BLVRA: variants seen among roughly 807,000 people sequenced by gnomAD.
BLVRA encodes the protein BVR A.
In BLVRA, 22 loss-of-function variants were observed where a neutral mutation model predicts 32.8. The observed-to-expected ratio is 0.67, with a 90% CI of 0.48 to 0.96. The LOEUF (loss-of-function observed/expected upper bound fraction) is 0.96. BLVRA is among the 40% of genes least tolerant of loss of function. BLVRA has a pLI of 0.00. For missense variants in BLVRA, 323 were observed against 358.1 expected, an observed-to-expected ratio of 0.90 and a Z score of 0.79; for synonymous variants, 119 against 141.3, an observed-to-expected ratio of 0.84 and a Z score of 1.12.
chr7:43,800,995 T>G (rs2095798090), intron 6 of BLVRA, among the ~76,000 whole-genome samples: 1 of 151,930 alleles, frequency 6.6e-6, no homozygotes, highest in African/African-American at 2.4e-5. Flanking sequence ...TAATAAATAT[T>G]TACTTATTCT....
chr7:43,792,999 T>G (rs548566994), intron 5 of BLVRA, among the ~76,000 whole-genome samples, 187 bp downstream of exon 5: 1 of 152,350 alleles, frequency 6.6e-6, no homozygotes, highest in African/African-American at 2.4e-5. Context: ...GGTGGGAATT[T>G]GCAAACTTTT....
intron 1 of BLVRA, among the ~76,000 whole-genome samples, chr7:43,762,669 T>TGG (rs1323092790): frequency 6.8e-6 from 1 of 146,708 alleles, no homozygotes; most frequent in Non-Finnish European, 1.5e-5. Context: ...TGGAGTGCAG[T>TGG]GGGACGGTCT....
chr7:43,800,309 G>A (rs1585742410), intron 5 of BLVRA, 156 bp from the exon 6 acceptor site: 1 of 693,554 alleles, frequency 1.4e-6, no homozygotes, highest in East Asian at 2.7e-5. Flanking sequence ...CTTCAGCTGG[G>A]GTGGGTGACA....
chr7:43,785,243 A>C (rs1034118250), intron 2 of BLVRA, among the ~76,000 whole-genome samples: 1 of 151,966 alleles, frequency 6.6e-6, no homozygotes, highest in Non-Finnish European at 1.5e-5. Context: ...AAAGGGAAAC[A>C]AATATTAATA....
intron 1 of BLVRA, among the ~76,000 whole-genome samples, chr7:43,766,794 T>A (rs1308231465): frequency 6.6e-6 from 1 of 152,152 alleles, no homozygotes; most frequent in Non-Finnish European, 1.5e-5. Flanking sequence ...CACTCACAGC[T>A]CTGTGAGCAA....
At chr7:43,791,645 A>C in intron 4 of BLVRA, 1 of 382,032 alleles carries the variant, frequency 2.6e-6, no homozygotes, top group Non-Finnish European at 5.0e-6. Context: ...CTCTGTAAAA[A>C]CCCATCGAGA....
chr7:43,774,648 T>C (rs1189878732), intron 2 of BLVRA, among the ~76,000 whole-genome samples: 3 of 152,236 alleles, frequency 2.0e-5, no homozygotes. Flanking sequence ...ATATGAACTT[T>C]AAAGTAGTTT....
intron 3 of BLVRA, among the ~76,000 whole-genome samples, chr7:43,789,040 C>CA (rs778186483): frequency 6.6e-6 from 1 of 152,006 alleles, no homozygotes; most frequent in African/African-American, 2.4e-5. Flanking sequence ...CCCCTGTACA[C>CA]ACACACACAC....
intron 1 of BLVRA, among the ~76,000 whole-genome samples, chr7:43,770,923 G>C (rs1585714413): frequency 6.6e-6 from 1 of 152,260 alleles, no homozygotes; most frequent in East Asian, 1.9e-4. Context: ...AGCATTGCTG[G>C]TGTGACATCC....
At chr7:43,788,095 G>A in intron 3 of BLVRA, 70 bp downstream of exon 3, 1 of 1,612,642 alleles carries the variant, frequency 6.2e-7, no homozygotes, top group Non-Finnish European at 8.5e-7. Flanking sequence ...TGCAGGACAT[G>A]GAGATTTTCC....
chr7:43,763,561 T>A (rs566698886), intron 1 of BLVRA, among the ~76,000 whole-genome samples: 2 of 152,292 alleles, frequency 1.3e-5, no homozygotes, highest in East Asian at 3.9e-4. Context: ...AGGCAAAAAA[T>A]GTTTTTGAAA....
At position 43,784,779 on chromosome 7, in the gene BLVRA, T is replaced by A. The variant is rs553716749; in HGVS notation, c.13-3125T>A. On this transcript the variant is annotated intron_variant, in intron 2 of 7. Coordinates refer to ENST00000265523, the MANE Select transcript of BLVRA (RefSeq NM_000712.4). ...CCACCACCATACCTGGCTAATTTTT[T>A]GTATTTTTAGTAGAGGCAGGGTTTC... Among the ~76,000 whole-genome samples the A allele has an allele frequency of 1.5e-4, 23 of 152,090 alleles. No individual in the cohort carries two copies. The South Asian group carries it at 2.3e-3, about 15-fold the overall frequency.
At chr7:43,791,109 A>C in intron 3 of BLVRA, 140 bp from the exon 4 acceptor site, 1 of 1,470,012 alleles carries the variant, frequency 6.8e-7, no homozygotes, top group Non-Finnish European at 9.2e-7. Context: ...AATGGAAAAT[A>C]GCCTGGAAGT....
At position 43,803,682 on chromosome 7, in the gene BLVRA, C is replaced by A. The variant is rs200781764; in HGVS notation, c.467C>A (p.Pro156Gln). The A allele has an allele frequency of 1.2e-6, 2 of 1,613,640 alleles. No homozygotes were observed. The highest frequency in any genetic ancestry group is 1.3e-5 in the African/African-American group (1 of 74,850). ...LKGSLLFTAG[P>Q]LEEERFGFPA... Reference sequence around the variant, plus strand: ...CATTTGTGATTTCCCACAGCTGGCCCGTTGGAAGAAGAGCGGTTTGGCTTC... The same window carrying A: ...CATTTGTGATTTCCCACAGCTGGCCAGTTGGAAGAAGAGCGGTTTGGCTTC... The change falls in exon 7 of 8, where the codon CCG becomes CAG. Residue 156 changes from proline (P) to glutamine (Q), a missense_variant. Coordinates refer to ENST00000265523, the MANE Select transcript of BLVRA (RefSeq NM_000712.4).
rs1343144805 is a variant in BLVRA, at chr7:43,800,529, AGTG to A, written c.422_424del (p.Val141del). ...AGGAATTCGCTTTCCTGAAAAAAGA[AGTG>A]GTGGGGAAAGACCTGCTGAAAGGGT... On this transcript the variant is annotated inframe_deletion, in exon 6 of 8. Coordinates refer to ENST00000265523, the MANE Select transcript of BLVRA (RefSeq NM_000712.4). 63 of 1,613,956 alleles carry A rather than the reference AGTG, an allele frequency of 3.9e-5. No individual in the cohort carries two copies. Among genetic ancestry groups the A allele is most frequent in the Non-Finnish European group, 5.3e-5 (62 of 1,179,950 alleles).
chr7:43,807,037 C>T lies in BLVRA; in HGVS notation c.693C>T (p.Phe231=). The change falls in exon 8 of 8, where the codon TTC becomes TTT. Residue 231 remains phenylalanine, a synonymous_variant. Transcript: ENST00000265523. ...TAAAACGAAACAGATATTTAAGCTT[C>T]CATTTCAAGTCTGGGTCCTTGGAGA... ...PGLKRNRYLS[F]HFKSGSLENV... 1 of 1,614,138 alleles carries T rather than the reference C, an allele frequency of 6.2e-7. No homozygotes were observed. The highest frequency in any genetic ancestry group is 8.5e-7 in the Non-Finnish European group (1 of 1,179,990).
intron 7 of BLVRA, among the ~76,000 whole-genome samples, chr7:43,805,407 C>T (rs1043052329): frequency 3.3e-5 from 5 of 151,870 alleles, no homozygotes; most frequent in Admixed American, 2.6e-4. Flanking sequence ...CTCAGCCTCC[C>T]GAGTAGCTGG....
At chr7:43,771,289 C>T (rs2095754386) in intron 2 of BLVRA, 119 bp downstream of exon 2, 4 of 1,198,880 alleles carry the variant, frequency 3.3e-6, no homozygotes, top group Non-Finnish European at 4.9e-6. Flanking sequence ...AACATTTCCC[C>T]TCTAGCCTAC....
At chr7:43,792,192 G>A (rs1197347084) in intron 4 of BLVRA, among the ~76,000 whole-genome samples, 1 of 152,116 alleles carries the variant, frequency 6.6e-6, no homozygotes, top group African/African-American at 2.4e-5. Flanking sequence ...CTGCCACACT[G>A]AAGTTTGCCG....
Sources: allele counts gnomAD v4.1 joint callset (sites outside exome capture counted in the v4.1 genomes callset), GRCh38; gene constraint gnomAD v4.1.1; transcripts MANE v1.5; gene names NCBI Gene and HGNC (gene_info 2026-07-23, HGNC 2026-07-21).